Variants in MED13L observed in about 807,000 individuals in gnomAD.
The protein encoded by MED13L is mediator complex subunit 13L.
MED13L carries 7 observed loss-of-function variants against 220.9 expected under a neutral mutation model. That is an observed-to-expected ratio of 0.03 (90% CI 0.02 to 0.06). MED13L has a LOEUF of 0.06. Ranked by LOEUF, MED13L falls within the 10% of genes least tolerant of loss-of-function variation. MED13L has a pLI of 1.00. For synonymous variants in MED13L, 1,011 were observed against 1,015.2 expected, an observed-to-expected ratio of 1.00 and a Z score of 0.08; for missense variants, 1,965 against 2,760.5, an observed-to-expected ratio of 0.71 and a Z score of 6.46.
At chr12:115,971,918 G>A (rs999071040) in intron 26 of MED13L, among the ~76,000 whole-genome samples, 160 bp downstream of exon 26, 6 of 152,092 alleles carry the variant, frequency 3.9e-5, no homozygotes, top group African/African-American at 1.2e-4. Flanking sequence ...AAACCACTCC[G>A]CATGGAAGGT....
chr12:116,250,461 A>G (rs1018577125), intron 1 of MED13L, among the ~76,000 whole-genome samples: 1 of 151,990 alleles, frequency 6.6e-6, no homozygotes, highest in Non-Finnish European at 1.5e-5. Context: ...ATATAAATAA[A>G]TAAAAAATAC....
rs542687581 is a variant in MED13L at position 116,277,047 on chromosome 12, C to T, written c.72+13G>A. 1.7e-5 allele frequency: 26 copies of T among 1,575,518 alleles called. No homozygotes were observed. The South Asian group carries it at 2.1e-4, about 13-fold the overall frequency. ...CCCCGGCACAGCCCCCTCCCCGCAGCCCGGCTACTCACCAGCGAAAAGAGG... is the reference window on the plus strand; with the variant it reads ...CCCCGGCACAGCCCCCTCCCCGCAGTCCGGCTACTCACCAGCGAAAAGAGG... On this transcript the variant is annotated intron_variant, in intron 1 of 30. Coordinates refer to ENST00000281928, the MANE Select transcript of MED13L (RefSeq NM_015335.5).
At chr12:116,240,697 C>A (rs1364250243) in intron 1 of MED13L, among the ~76,000 whole-genome samples, 5 of 151,440 alleles carry the variant, frequency 3.3e-5, no homozygotes, top group African/African-American at 4.8e-5. Context: ...CCACCGCGCC[C>A]GGCTAATTTT....
In MED13L at chr12:116,210,267, C is replaced by G. The variant is rs568257315; in HGVS notation, c.310+27201G>C. On this transcript the variant is annotated intron_variant, in intron 2 of 30. Transcript: ENST00000281928. Reference sequence around the variant, plus strand: ...GTGAAATCATTGCAGGACGGAGTATCAACTGGACTATACGTCTGGATCTGC... The same window carrying G: ...GTGAAATCATTGCAGGACGGAGTATGAACTGGACTATACGTCTGGATCTGC... 2.6e-5 allele frequency among the ~76,000 whole-genome samples: 4 copies of G among 152,140 alleles called. No homozygotes were observed. In the South Asian group the frequency reaches 8.3e-4, roughly 32 times the overall value.
intron 5 of MED13L, among the ~76,000 whole-genome samples, chr12:116,020,323 A>G (rs1879986015): frequency 6.6e-6 from 1 of 152,150 alleles, no homozygotes; most frequent in African/African-American, 2.4e-5. Context: ...TGGATAGTAC[A>G]ATGTTATCAG....
intron 4 of MED13L, among the ~76,000 whole-genome samples, chr12:116,090,261 T>C (rs1336432884): frequency 6.6e-6 from 1 of 152,182 alleles, no homozygotes; most frequent in Non-Finnish European, 1.5e-5. Flanking sequence ...ACCTCTGTAA[T>C]AAAAAACTGA....
At chr12:116,224,238 T>C (rs1057260814) in intron 2 of MED13L, among the ~76,000 whole-genome samples, 1 of 152,206 alleles carries the variant, frequency 6.6e-6, no homozygotes, top group Middle Eastern at 3.2e-3. Flanking sequence ...AATGTTCATT[T>C]TCAATCAATT....
At chr12:116,087,475 C>CT (rs1251436228) in intron 4 of MED13L, among the ~76,000 whole-genome samples, 1 of 152,186 alleles carries the variant, frequency 6.6e-6, no homozygotes, top group Non-Finnish European at 1.5e-5. Context: ...GTTCTGAAAT[C>CT]TAACTCTAAT....
At chr12:116,107,004 A>G (rs1276347404) in intron 3 of MED13L, among the ~76,000 whole-genome samples, 7 of 152,154 alleles carry the variant, frequency 4.6e-5, no homozygotes, top group Non-Finnish European at 7.4e-5. Context: ...CCACTTATTG[A>G]GCTCTTACAA....
At chr12:116,259,632 T>C (rs763654130) in intron 1 of MED13L, among the ~76,000 whole-genome samples, 30 of 152,192 alleles carry the variant, frequency 2.0e-4, no homozygotes, top group Non-Finnish European at 2.5e-4. Flanking sequence ...TGGGTGTTCA[T>C]TGTACCATGA....
At chr12:116,220,196 A>G (rs1883228727) in intron 2 of MED13L, among the ~76,000 whole-genome samples, 2 of 152,224 alleles carry the variant, frequency 1.3e-5, no homozygotes, top group South Asian at 4.1e-4. Context: ...ATTATAAACT[A>G]ATCTTTTCAC....
At chr12:116,235,048 C>T (rs1326727418) in intron 2 of MED13L, among the ~76,000 whole-genome samples, 1 of 152,102 alleles carries the variant, frequency 6.6e-6, no homozygotes, top group Non-Finnish European at 1.5e-5. Flanking sequence ...TGTATGGCTA[C>T]CAATTAAAAT....
intron 4 of MED13L, among the ~76,000 whole-genome samples, chr12:116,092,667 C>G (rs1872333572): frequency 6.6e-6 from 1 of 151,784 alleles, no homozygotes. Flanking sequence ...GTTAGGTAAT[C>G]TAAGAAAATA....
chr12:116,188,423 A>C (rs964313160), intron 2 of MED13L, among the ~76,000 whole-genome samples: 1 of 152,276 alleles, frequency 6.6e-6, no homozygotes, highest in African/African-American at 2.4e-5. Context: ...ACCCAGCAAT[A>C]TATACAAATG....
chr12:115,984,897 G>T (rs1877582880), intron 19 of MED13L, among the ~76,000 whole-genome samples: 1 of 151,802 alleles, frequency 6.6e-6, no homozygotes, highest in African/African-American at 2.4e-5. Context: ...ATAGGACAAG[G>T]AGATTCTGCT....
At position 115,963,396 on chromosome 12, in the gene MED13L, T is replaced by C; in HGVS notation, c.6500+11A>G. 2 of 1,569,332 alleles carry C rather than the reference T, an allele frequency of 1.3e-6. No individual in the cohort carries two copies. Among genetic ancestry groups the C allele is most frequent in the East Asian group, 2.2e-5 (1 of 44,662 alleles). ...AAATTGCACTGCTATGATGCCTAGG[T>C]TGGTATCTACCTTAAAACATCCGAC... On this transcript the variant is annotated intron_variant, in intron 30 of 30. Transcript: ENST00000281928.
intron 2 of MED13L, among the ~76,000 whole-genome samples, chr12:116,225,087 G>A (rs576980126): frequency 6.6e-6 from 1 of 152,282 alleles, no homozygotes; most frequent in South Asian, 2.1e-4. Context: ...AATTCTAAAT[G>A]TGTGGGCAAC....
Position 116,008,478 on chromosome 12 carries a change from CTCA to C in MED13L, c.1932_1934del (p.Glu645del). 1 of 1,613,668 alleles carries C rather than the reference CTCA, an allele frequency of 6.2e-7. No individual in the cohort carries two copies. Among genetic ancestry groups the C allele is most frequent in the African/African-American group, 1.3e-5 (1 of 75,038 alleles). On this transcript the variant is annotated inframe_deletion, in exon 10 of 31. Coordinates refer to ENST00000281928, the MANE Select transcript of MED13L (RefSeq NM_015335.5). ...CACCCTGGAGCTCTGGAGGCCTGAA[CTCA>C]GCATCATCACTGGGTGGGAGACGAT... is the stretch of plus-strand genomic sequence containing the variant.
intron 5 of MED13L, 86 bp downstream of exon 5, chr12:116,022,370 G>A: frequency 6.7e-7 from 1 of 1,487,200 alleles, no homozygotes; most frequent in Admixed American, 1.7e-5. Context: ...TTTAAGATAA[G>A]GTCTCACCCT....
Sources: gnomAD v4.1 joint callset for allele counts (sites outside exome capture counted in the v4.1 genomes callset) on GRCh38, gnomAD v4.1.1 for gene constraint, MANE v1.5 for transcripts, NCBI Gene and HGNC (gene_info 2026-07-23, HGNC 2026-07-21) for gene names.